Variants in IVD observed in about 807,000 individuals in gnomAD.
IVD encodes the protein isovaleryl-CoA dehydrogenase, mitochondrial.
A neutral mutation model predicts 51.3 loss-of-function variants in IVD; 31 were observed. That is an observed-to-expected ratio of 0.60 (90% CI 0.45 to 0.81). IVD has a LOEUF of 0.81. Ranked by LOEUF, IVD falls within the 40% of genes least tolerant of loss-of-function variation. The probability of loss-of-function intolerance (pLI) is 0.00; values close to 1 mark genes in which losing one functional copy is unlikely to be tolerated. For synonymous variants in IVD, 205 were observed against 219.4 expected, an observed-to-expected ratio of 0.93 and a Z score of 0.58; for missense variants, 475 against 552.0, an observed-to-expected ratio of 0.86 and a Z score of 1.40.
chr15:40,421,162 AGACCAGCCTGGAG>A lies in IVD; in HGVS notation c.*2900_*2912del. On this transcript the variant is annotated 3_prime_UTR_variant, in exon 12 of 12. Transcript: ENST00000487418. ...TTGCTGGCTTAATGTGTGGCTGGAGAGACCAGCCTGGAGACAATGTGGCAAAATGGGGCGCTTC... is the reference window on the plus strand; with the variant it reads ...TTGCTGGCTTAATGTGTGGCTGGAGAACAATGTGGCAAAATGGGGCGCTTC... 1.0e-6 allele frequency: 1 copy of A among 985,474 alleles called. No homozygotes were observed. The highest frequency in any genetic ancestry group is 1.2e-6 in the Non-Finnish European group (1 of 829,920). The allele number at this position is 985,474 out of a possible 1,614,324, so 61.0% of individuals were successfully genotyped here.
chr15:40,431,965 CTT>C (rs34083732), intron 7 of IVD, among the ~76,000 whole-genome samples: 8 of 138,806 alleles, frequency 5.8e-5, no homozygotes, highest in Admixed American at 1.4e-4. Flanking sequence ...ATATCTAAGT[CTT>C]TTTTTTTTTT....
chr15:40,423,176 G>C (rs12901440), downstream of IVD, among the ~76,000 whole-genome samples: 70,705 of 152,030 alleles, frequency 0.47, 18,371 homozygotes, highest in East Asian at 0.79. Context: ...GGGCTCAAGC[G>C]ATCCTCCTGC....
chr15:40,427,328 C>T (rs979286641), downstream of IVD, among the ~76,000 whole-genome samples: 3 of 152,246 alleles, frequency 2.0e-5, no homozygotes, highest in Non-Finnish European at 2.9e-5. Flanking sequence ...GACATGCATA[C>T]GTCTGCACAC....
chr15:40,413,204 G>A (rs530246690), intron 7 of IVD, 117 bp downstream of exon 7: 2 of 824,988 alleles, frequency 2.4e-6, no homozygotes, highest in Non-Finnish European at 4.1e-6. Flanking sequence ...TAGCGCTTCA[G>A]TGACATGTGG....
At chr15:40,422,560 G>A (rs1892392695), downstream of IVD, among the ~76,000 whole-genome samples, 1 of 140,864 alleles carries the variant, frequency 7.1e-6, no homozygotes, top group Admixed American at 7.4e-5. Flanking sequence ...TGGGATTACA[G>A]GCGTGAGCCA....
At chr15:40,421,983 C>T (rs541721435), downstream of IVD, among the ~76,000 whole-genome samples, 1 of 152,232 alleles carries the variant, frequency 6.6e-6, no homozygotes, top group African/African-American at 2.4e-5. Context: ...GTCGCGACCC[C>T]CAGCCTAGGG....
At chr15:40,425,852 C>T (rs1279246468), downstream of IVD, among the ~76,000 whole-genome samples, 1 of 152,012 alleles carries the variant, frequency 6.6e-6, no homozygotes, top group Admixed American at 6.6e-5. Flanking sequence ...CTTTGTCACC[C>T]AGGCTGGAGT....
At chr15:40,418,063 G>A in intron 11 of IVD, 67 bp from the exon 12 acceptor site, 1 of 1,605,118 alleles carries the variant, frequency 6.2e-7, no homozygotes, top group Non-Finnish European at 8.5e-7. Context: ...TATATACTTG[G>A]CATTCTGTTT....
intron 11 of IVD, among the ~76,000 whole-genome samples, chr15:40,417,752 C>A (rs1034242070): frequency 6.6e-6 from 1 of 152,072 alleles, no homozygotes; most frequent in African/African-American, 2.4e-5. Flanking sequence ...TGCTCAGTGG[C>A]CCCAGATTGC....
In IVD at chr15:40,406,332, T is replaced by A. The variant is rs1319541774; in HGVS notation, c.144+361T>A. On this transcript the variant is annotated intron_variant, in intron 1 of 11. Coordinates refer to ENST00000487418, the MANE Select transcript of IVD (RefSeq NM_002225.5). ...GCCCTCAATCTGTATGTAGTTCACT[T>A]ACACCTGAACAGGCTGAGGTATGCT... 3.7e-6 allele frequency: 5 copies of A among 1,348,278 alleles called. No individual in the cohort carries two copies. The South Asian group carries it at 6.1e-5, about 17-fold the overall frequency. The allele number at this position is 1,348,278 out of a possible 1,614,324, so 83.5% of individuals were successfully genotyped here. A position where few individuals can be genotyped will look rare whatever the true frequency, so the allele number is the denominator to read the frequency against.
intron 7 of IVD, among the ~76,000 whole-genome samples, chr15:40,431,587 C>A (rs1472514897): frequency 6.6e-6 from 1 of 151,650 alleles, no homozygotes; most frequent in African/African-American, 2.4e-5. Context: ...CCCAGCTACT[C>A]GGGAGGCTGA....
downstream of IVD, among the ~76,000 whole-genome samples, chr15:40,422,998 T>C (rs564361317): frequency 9.9e-5 from 15 of 152,188 alleles, no homozygotes; most frequent in Middle Eastern, 3.4e-3. Flanking sequence ...TACTGCAGCC[T>C]CGACCTCCCT....
At chr15:40,435,703 C>A, downstream of IVD, 1 of 1,018,564 alleles carries the variant, frequency 9.8e-7, no homozygotes, top group South Asian at 3.4e-5. Context: ...TGCTGCCTCA[C>A]CCCTATACCA....
At chr15:40,427,295 A>G (rs1892724910), downstream of IVD, among the ~76,000 whole-genome samples, 1 of 152,236 alleles carries the variant, frequency 6.6e-6, no homozygotes, top group South Asian at 2.1e-4. Context: ...GTCCAGGAGC[A>G]AACATGGGTG....
Position 40,416,032 on chromosome 15 carries a change from A to C in IVD, c.961-46A>C, listed in dbSNP as rs374682500. On this transcript the variant is annotated intron_variant, in intron 9 of 11. Coordinates refer to ENST00000487418, the MANE Select transcript of IVD (RefSeq NM_002225.5). Reference sequence around the variant, plus strand: ...ATTGCTGACCTGCTTTTGGTAACTGAGAGAGTGTTCCAGCATGTTGACCTG... The same window carrying C: ...ATTGCTGACCTGCTTTTGGTAACTGCGAGAGTGTTCCAGCATGTTGACCTG... The C allele has an allele frequency of 1.1e-5, 17 of 1,573,884 alleles. No homozygotes were observed. In the African/African-American group the frequency reaches 2.0e-4, roughly 19 times the overall value.
chr15:40,418,297 A>C lies in IVD; in HGVS notation c.*34A>C, dbSNP rs2141374417. The C allele has an allele frequency of 6.2e-7, 1 of 1,612,790 alleles. No individual in the cohort carries two copies. The highest frequency in any genetic ancestry group is 8.5e-7 in the Non-Finnish European group (1 of 1,179,416). ...CCCTTCGCCCCCTTTTCCTGCACCT[A>C]GTGGCCTTTCTTGGGAAGTAGAGAT... On this transcript the variant is annotated 3_prime_UTR_variant, in exon 12 of 12. Coordinates refer to ENST00000487418, the MANE Select transcript of IVD (RefSeq NM_002225.5).
intron 8 of IVD, 64 bp downstream of exon 8, chr15:40,415,046 G>C (rs11638426): frequency 1.3e-6 from 2 of 1,586,052 alleles, no homozygotes; most frequent in Non-Finnish European, 1.7e-6. Context: ...GACCCACCAT[G>C]AGCAGCAGCA....
rs184189075 is a variant in IVD, at chr15:40,414,454, A to G, written c.785-435A>G. ...GCTCTGAATGGCCTGTCTCCTGGAC[A>G]AAGAAGCTTTCACGGACTACTCTGC... On this transcript the variant is annotated intron_variant, in intron 7 of 11. Transcript: ENST00000487418. The G allele has an allele frequency of 7.1e-4, 168 of 235,976 alleles. 1 individual carries two copies. Among genetic ancestry groups the G allele is most frequent in the Non-Finnish European group, 4.5e-4 (52 of 115,212 alleles). The allele number at this position is 235,976 out of a possible 1,614,324, so 14.6% of individuals were successfully genotyped here.
downstream of IVD, among the ~76,000 whole-genome samples, chr15:40,428,598 C>T (rs1227349416): frequency 2.0e-5 from 3 of 152,168 alleles, no homozygotes; most frequent in Non-Finnish European, 4.4e-5. Flanking sequence ...CCACACACAT[C>T]CAGGTGCCCC....
Sources: gnomAD v4.1 joint callset for allele counts (sites outside exome capture counted in the v4.1 genomes callset) on GRCh38, gnomAD v4.1.1 for gene constraint, MANE v1.5 for transcripts, NCBI Gene and HGNC (gene_info 2026-07-23, HGNC 2026-07-21) for gene names.